RPS6KA2: variants seen among roughly 807,000 people sequenced by gnomAD.
The protein encoded by RPS6KA2 is ribosomal protein S6 kinase A2, also known as ribosomal protein S6 kinase alpha-2.
RPS6KA2 carries 42 observed loss-of-function variants against 91.8 expected under a neutral mutation model. The ratio of observed to expected loss-of-function variants is 0.46; its 90% CI spans 0.36 to 0.59. The LOEUF is 0.59. RPS6KA2 is among the 20% of genes least tolerant of loss of function. The probability of loss-of-function intolerance (pLI) is 0.00; values close to 1 mark genes in which losing one functional copy is unlikely to be tolerated. For missense variants in RPS6KA2, 798 were observed against 978.5 expected, an observed-to-expected ratio of 0.82 and a Z score of 2.46; for synonymous variants, 414 against 393.6, an observed-to-expected ratio of 1.05 and a Z score of -0.61.
chr6:166,740,970 C>T (rs879181997), intron 2 of RPS6KA2, among the ~76,000 whole-genome samples: 6 of 152,208 alleles, frequency 3.9e-5, no homozygotes, highest in South Asian at 2.1e-4. Flanking sequence ...ACTGGAAATG[C>T]GCGTATGTCA....
intron 1 of RPS6KA2, among the ~76,000 whole-genome samples, chr6:166,567,151 C>T (rs2128508147): frequency 6.6e-6 from 1 of 152,278 alleles, no homozygotes; most frequent in South Asian, 2.1e-4. Flanking sequence ...CGCAGAACAC[C>T]CTGCTTGCTA....
intron 2 of RPS6KA2, among the ~76,000 whole-genome samples, chr6:166,830,862 T>C (rs1457955615): frequency 6.6e-6 from 1 of 152,170 alleles, no homozygotes; most frequent in African/African-American, 2.4e-5. Context: ...GGCCTTTTCT[T>C]TGAGATTTGG....
intron 10 of RPS6KA2, among the ~76,000 whole-genome samples, chr6:166,480,549 C>T (rs1053448956): frequency 7.3e-6 from 1 of 137,776 alleles, no homozygotes; most frequent in Non-Finnish European, 1.5e-5. Context: ...GAGTTTTGCT[C>T]TGTTGCCCAG....
At chr6:166,682,990 G>A (rs1190923411) in intron 2 of RPS6KA2, among the ~76,000 whole-genome samples, 1 of 152,192 alleles carries the variant, frequency 6.6e-6, no homozygotes, top group Non-Finnish European at 1.5e-5. Context: ...ATGAAGAAAT[G>A]CAACGAGAAA....
intron 2 of RPS6KA2, among the ~76,000 whole-genome samples, chr6:166,696,610 G>T (rs1187146807): frequency 2.0e-5 from 3 of 152,180 alleles, no homozygotes; most frequent in Non-Finnish European, 4.4e-5. Flanking sequence ...GCTGCACGGT[G>T]CCCAGATACT....
At chr6:166,601,677 T>G (rs1196871001) in intron 1 of RPS6KA2, among the ~76,000 whole-genome samples, 1 of 152,146 alleles carries the variant, frequency 6.6e-6, no homozygotes, top group African/African-American at 2.4e-5. Context: ...TAAGGGGCAC[T>G]AAAAAAATTG....
intron 2 of RPS6KA2, among the ~76,000 whole-genome samples, chr6:166,790,261 C>T (rs1299506265): frequency 6.6e-6 from 1 of 152,108 alleles, no homozygotes; most frequent in Admixed American, 6.5e-5. Flanking sequence ...GAAAGGGTAT[C>T]TGTGATGGAA....
At chr6:166,716,035 CAAAAA>C (rs141709524) in intron 2 of RPS6KA2, among the ~76,000 whole-genome samples, 2 of 89,778 alleles carry the variant, frequency 2.2e-5, no homozygotes, top group Non-Finnish European at 3.8e-5. Flanking sequence ...GAGACTCCAT[CAAAAA>C]AAAAAAAAAA....
intron 2 of RPS6KA2, among the ~76,000 whole-genome samples, chr6:166,653,970 C>T (rs950884079): frequency 2.6e-5 from 4 of 152,164 alleles, no homozygotes; most frequent in African/African-American, 9.7e-5. Context: ...GGCTTCTCTC[C>T]CACCTCTCAC....
chr6:166,571,420 C>T (rs527360157), intron 1 of RPS6KA2, among the ~76,000 whole-genome samples: 29 of 152,320 alleles, frequency 1.9e-4, no homozygotes, highest in Non-Finnish European at 3.2e-4. Flanking sequence ...TACACAAAAA[C>T]GTCTGAACTT....
chr6:166,754,861 G>C (rs1037118465), intron 2 of RPS6KA2, among the ~76,000 whole-genome samples: 1 of 152,168 alleles, frequency 6.6e-6, no homozygotes, highest in African/African-American at 2.4e-5. Flanking sequence ...CTCTGAGATG[G>C]GTGCCCAGGG....
intron 15 of RPS6KA2, among the ~76,000 whole-genome samples, chr6:166,431,618 T>G (rs1779134717): frequency 6.6e-6 from 1 of 152,164 alleles, no homozygotes; most frequent in African/African-American, 2.4e-5. Flanking sequence ...ATTATTCTTT[T>G]TATGTTTCGA....
intron 2 of RPS6KA2, among the ~76,000 whole-genome samples, chr6:166,756,181 T>C (rs1274002456): frequency 1.3e-5 from 2 of 151,950 alleles, no homozygotes; most frequent in East Asian, 3.9e-4. Flanking sequence ...TCCCAGCTAC[T>C]CGGGAGGGTG....
At chr6:166,789,710 T>C (rs901401203) in intron 2 of RPS6KA2, among the ~76,000 whole-genome samples, 5 of 152,142 alleles carry the variant, frequency 3.3e-5, no homozygotes, top group African/African-American at 4.8e-5. Context: ...GTCACCAATA[T>C]CCGCTGTTCT....
At position 166,412,455 on chromosome 6, in the gene RPS6KA2, GTA is replaced by G. The variant is rs1213297624; in HGVS notation, c.*305_*306del. ...ATCTCTCGGCAGAAACAGAAGCCAT[GTA>G]TGAGAGGACCCGCGGGCTCTGAAAG... is the stretch of plus-strand genomic sequence containing the variant. On this transcript the variant is annotated 3_prime_UTR_variant, in exon 21 of 21. Coordinates refer to ENST00000265678, the MANE Select transcript of RPS6KA2 (RefSeq NM_021135.6). The surrounding 1 kb of genome is among the most constrained non-coding windows in gnomAD (Gnocchi z 4.3). 1 of 218,750 alleles carries G rather than the reference GTA, an allele frequency of 4.6e-6. No homozygotes were observed. Among genetic ancestry groups the G allele is most frequent in the East Asian group, 9.9e-5 (1 of 10,116 alleles). The allele number at this position is 218,750 out of a possible 1,614,324, so 13.6% of individuals were successfully genotyped here. A position where few individuals can be genotyped will look rare whatever the true frequency, so the allele number is the denominator to read the frequency against.
intron 13 of RPS6KA2, among the ~76,000 whole-genome samples, chr6:166,449,343 T>C (rs1042710370): frequency 6.6e-6 from 1 of 151,794 alleles, no homozygotes; most frequent in African/African-American, 2.4e-5. Flanking sequence ...GCCTGCACTG[T>C]CATGACAACG....
At chr6:166,706,516 T>A (rs1044191394) in intron 2 of RPS6KA2, among the ~76,000 whole-genome samples, 1 of 151,962 alleles carries the variant, frequency 6.6e-6, no homozygotes, top group African/African-American at 2.4e-5. Context: ...CTGCAATTCT[T>A]CTGGAAGCGT....
intron 2 of RPS6KA2, among the ~76,000 whole-genome samples, chr6:166,829,632 C>A (rs1562461031): frequency 2.0e-5 from 3 of 150,328 alleles, no homozygotes; most frequent in African/African-American, 4.9e-5. Flanking sequence ...TTATATGGTC[C>A]ATCAATTCCC....
intron 2 of RPS6KA2, among the ~76,000 whole-genome samples, chr6:166,805,321 C>T (rs750839185): frequency 7.2e-5 from 11 of 152,186 alleles, no homozygotes; most frequent in Admixed American, 2.6e-4. Flanking sequence ...GAGTTGCAGA[C>T]AGAGAGGCTT....
Sources: allele counts gnomAD v4.1 joint callset (sites outside exome capture counted in the v4.1 genomes callset), GRCh38; gene constraint gnomAD v4.1.1; non-coding constraint Gnocchi (gnomAD v3.1); transcripts MANE v1.5; gene names NCBI Gene and HGNC (gene_info 2026-07-23, HGNC 2026-07-21).